The following N4BP2 variants were observed in gnomAD, a reference collection of about 807,000 sequenced individuals.
N4BP2 encodes NEDD4-binding protein 2.
A neutral mutation model predicts 152.8 loss-of-function variants in N4BP2; 91 were observed. That is an observed-to-expected ratio of 0.60 (90% confidence interval 0.50 to 0.71). N4BP2 has a LOEUF of 0.71. N4BP2 is among the 30% of genes least tolerant of loss of function. The probability of loss-of-function intolerance (pLI) is 0.00; values close to 1 mark genes in which losing one functional copy is unlikely to be tolerated. For missense variants in N4BP2, 1,923 were observed against 2,059.1 expected (o/e 0.93, Z 1.28); for synonymous variants, 646 against 705.3 (o/e 0.92, Z 1.33).
In N4BP2 at chr4:40,124,386, G is replaced by A. The variant is rs1390629894; in HGVS notation, c.4330+181G>A. 4.0e-5 allele frequency among the ~76,000 whole-genome samples: 6 copies of A among 151,782 alleles called. No homozygotes were observed. In the South Asian group the frequency reaches 6.2e-4, roughly 16 times the overall value. ...TTTAGAGATGGAGTCTTGCTCTGTC[G>A]CCCAGGCTAGAGTGCAGTGGTGCCA... is the stretch of plus-strand genomic sequence containing the variant. On this transcript the variant is annotated intron_variant, in intron 11 of 17. Coordinates refer to ENST00000261435, the MANE Select transcript of N4BP2 (RefSeq NM_018177.6).
chr4:40,096,903 A>G (rs993762897), intron 2 of N4BP2, among the ~76,000 whole-genome samples: 2 of 152,322 alleles, frequency 1.3e-5, no homozygotes, highest in African/African-American at 2.4e-5. Flanking sequence ...GACATGTTAA[A>G]TTTATAATGC....
At chr4:40,096,867 G>A (rs1040693358) in intron 2 of N4BP2, among the ~76,000 whole-genome samples, 1 of 152,218 alleles carries the variant, frequency 6.6e-6, no homozygotes, top group Non-Finnish European at 1.5e-5. Context: ...AAGCAGGTTT[G>A]AAGGGGGTGA....
chr4:40,086,015 G>C (rs1390480456), intron 2 of N4BP2, among the ~76,000 whole-genome samples: 1 of 151,680 alleles, frequency 6.6e-6, no homozygotes, highest in East Asian at 2.0e-4. Context: ...ACCCAGGCTG[G>C]AGTGCAATGG....
At chr4:40,101,318 C>A (rs1350672235) in intron 3 of N4BP2, among the ~76,000 whole-genome samples, 2 of 152,092 alleles carry the variant, frequency 1.3e-5, no homozygotes, top group Non-Finnish European at 2.9e-5. Flanking sequence ...CGCCACTATG[C>A]CCAGCTAATT....
In N4BP2 at chr4:40,120,288, G is replaced by A. The variant is rs757187243; in HGVS notation, c.2177G>A (p.Ser726Asn). 16 of 1,613,130 alleles carry A rather than the reference G, an allele frequency of 9.9e-6. No individual in the cohort carries two copies. Among genetic ancestry groups the A allele is most frequent in the Non-Finnish European group, 1.4e-5 (16 of 1,179,762 alleles). The change falls in exon 9 of 18, where the codon AGT (serine) becomes AAT (asparagine). Residue 726 changes from serine (S) to asparagine (N), a missense_variant. Transcript: ENST00000261435. Reference sequence around the variant, plus strand: ...AGTTCTATGGAGAGAGTATCACCTAGTACTTGCTGTAGTGAAAATAATCAA... The same window carrying A: ...AGTTCTATGGAGAGAGTATCACCTAATACTTGCTGTAGTGAAAATAATCAA... The part of the protein sequence containing the change: ...TDSSMERVSP[S>N]TCCSENNQED...
chr4:40,151,635 T>C (rs11735047), intron 16 of N4BP2, among the ~76,000 whole-genome samples: 27,285 of 152,194 alleles, frequency 0.18, 3,077 homozygotes, highest in Admixed American at 0.26. Context: ...TATAGGTATA[T>C]AGTGCAAAAA....
intron 2 of N4BP2, among the ~76,000 whole-genome samples, chr4:40,087,813 C>T (rs1714131393): frequency 6.6e-6 from 1 of 151,932 alleles, no homozygotes; most frequent in African/African-American, 2.4e-5. Flanking sequence ...ATGGCTCGAT[C>T]TCGGCTTACT....
At chr4:40,188,816 CATT>C in the N4BP2 span, among the ~76,000 whole-genome samples, 2 of 150,890 alleles carry the variant, frequency 1.3e-5, no homozygotes, top group Non-Finnish European at 2.9e-5. Context: ...GCAGTGTGAC[CATT>C]ATTATGAAAT....
At chr4:40,141,118 T>A (rs899674536) in intron 14 of N4BP2, among the ~76,000 whole-genome samples, 3 of 151,642 alleles carry the variant, frequency 2.0e-5, no homozygotes, top group African/African-American at 7.3e-5. Flanking sequence ...ACCTCCCAGA[T>A]GGAGTGGTGG....
chr4:40,182,512 G>A, the N4BP2 span, among the ~76,000 whole-genome samples: 2,497 of 150,570 alleles, frequency 0.017, 69 homozygotes, highest in African/African-American at 0.056. Context: ...GTGCAGTGGC[G>A]GGAACACAGC....
At chr4:40,099,344 G>A (rs1166711485) in intron 3 of N4BP2, among the ~76,000 whole-genome samples, 3 of 152,184 alleles carry the variant, frequency 2.0e-5, no homozygotes, top group Non-Finnish European at 2.9e-5. Flanking sequence ...CCGAGTTAAA[G>A]TGATTCTCCT....
intron 1 of N4BP2, among the ~76,000 whole-genome samples, chr4:40,063,052 G>A (rs1733784158): frequency 1.3e-5 from 2 of 152,170 alleles, no homozygotes; most frequent in African/African-American, 2.4e-5. Flanking sequence ...AGAGGAAAGG[G>A]ACATTATATT....
chr4:40,058,447 T>C (rs1467615939), intron 1 of N4BP2, among the ~76,000 whole-genome samples: 1 of 152,160 alleles, frequency 6.6e-6, no homozygotes, highest in Non-Finnish European at 1.5e-5. Context: ...CGAGGGGCTG[T>C]AGTGGTGGAC....
chr4:40,183,529 G>C, the N4BP2 span, among the ~76,000 whole-genome samples: 1 of 152,008 alleles, frequency 6.6e-6, no homozygotes, highest in Non-Finnish European at 1.5e-5. Context: ...GTAGAGACGG[G>C]GTTTCACCAT....
intron 2 of N4BP2, among the ~76,000 whole-genome samples, chr4:40,092,404 A>T (rs1020649681): frequency 5.3e-5 from 8 of 151,740 alleles, no homozygotes; most frequent in Non-Finnish European, 1.0e-4. Context: ...GGTCCATTTC[A>T]TATAAATTGT....
chr4:40,093,353 T>C (rs1333947592), intron 2 of N4BP2, among the ~76,000 whole-genome samples: 1 of 152,164 alleles, frequency 6.6e-6, no homozygotes, highest in Non-Finnish European at 1.5e-5. Context: ...AGACTTCTTT[T>C]CTAATGTATG....
intron 12 of N4BP2, among the ~76,000 whole-genome samples, chr4:40,127,195 A>G (rs962897804): frequency 1.3e-5 from 2 of 151,620 alleles, no homozygotes; most frequent in Non-Finnish European, 2.9e-5. Flanking sequence ...GACCGGCTGC[A>G]TCTTCTTCTT....
intron 14 of N4BP2, among the ~76,000 whole-genome samples, chr4:40,141,237 T>A (rs1303789222): frequency 1.3e-5 from 2 of 149,764 alleles, no homozygotes; most frequent in African/African-American, 4.9e-5. Flanking sequence ...CCCACCTCCC[T>A]CCTGGACGGG....
chr4:40,156,728 T>C lies in N4BP2; in HGVS notation c.*2491T>C, dbSNP rs1579172896. 3 of 97,534 alleles carry C rather than the reference T, an allele frequency of 3.1e-5. No individual in the cohort carries two copies. The highest frequency in any genetic ancestry group is 5.4e-5 in the African/African-American group (2 of 37,108). 6.0% of individuals were successfully genotyped at this position (97,534 alleles called of 1,614,324 possible). A position where few individuals can be genotyped will look rare whatever the true frequency, so the allele number is the denominator to read the frequency against. On this transcript the variant is annotated 3_prime_UTR_variant, in exon 18 of 18. Coordinates refer to ENST00000261435, the MANE Select transcript of N4BP2 (RefSeq NM_018177.6). ...TGTATTGGTGTAGGTTGAGTATCCC[T>C]AATGAGAAAATTCAAAATCTGAAAT... is the stretch of plus-strand genomic sequence containing the variant.
Sources: allele counts gnomAD v4.1 joint callset (sites outside exome capture counted in the v4.1 genomes callset), GRCh38; gene constraint gnomAD v4.1.1; transcripts MANE v1.5; gene names NCBI Gene and HGNC (gene_info 2026-07-23, HGNC 2026-07-21).